The following ELFN2 variants were observed in gnomAD, a reference collection of about 807,000 sequenced individuals.
ELFN2 encodes protein phosphatase 1 regulatory subunit 29.
In ELFN2, 17 loss-of-function variants were observed where a neutral mutation model predicts 45.5. The ratio of observed to expected loss-of-function variants is 0.37; its 90% CI spans 0.26 to 0.56. The LOEUF is 0.56. Ranked by LOEUF, ELFN2 falls within the 20% of genes least tolerant of loss-of-function variation. The pLI is 0.77. For synonymous variants in ELFN2, 550 were observed against 551.5 expected (o/e 1.00, Z 0.04); for missense variants, 922 against 1,183.2 (o/e 0.78, Z 3.24).
intron 2 of ELFN2, among the ~76,000 whole-genome samples, chr22:37,398,122 C>T (rs1932266178): frequency 6.6e-6 from 1 of 152,172 alleles, no homozygotes. Context: ...AACAGGGTCC[C>T]CATTTGATAG....
At chr22:37,416,612 T>C (rs953774954) in intron 2 of ELFN2, among the ~76,000 whole-genome samples, 2 of 152,050 alleles carry the variant, frequency 1.3e-5, no homozygotes, top group Non-Finnish European at 2.9e-5. Flanking sequence ...GTGGAGGCAC[T>C]GGGAGGAAGC....
intron 2 of ELFN2, among the ~76,000 whole-genome samples, chr22:37,395,044 G>A (rs2145663721): frequency 6.6e-6 from 1 of 152,132 alleles, no homozygotes; most frequent in African/African-American, 2.4e-5. Flanking sequence ...GGCAGAGGTT[G>A]CAGTGGGCCA....
chr22:37,346,434 C>T (rs1398035998), intron 1 of ELFN2, among the ~76,000 whole-genome samples: 1 of 151,924 alleles, frequency 6.6e-6, no homozygotes, highest in Non-Finnish European at 1.5e-5. Flanking sequence ...GCCCTGGCAG[C>T]TGCTCTGTCC....
chr22:37,361,223 G>C (rs577547846), intron 1 of ELFN2, among the ~76,000 whole-genome samples: 20 of 152,242 alleles, frequency 1.3e-4, no homozygotes, highest in Non-Finnish European at 2.8e-4. Context: ...AAAGCAATGG[G>C]GCCATGAGAT....
intron 1 of ELFN2, among the ~76,000 whole-genome samples, chr22:37,358,891 G>A (rs1385653849): frequency 6.6e-6 from 1 of 152,214 alleles, no homozygotes. Context: ...ATGAGGGGAA[G>A]GTGGAGACTA....
At position 37,374,506 on chromosome 22, in the gene ELFN2, C is replaced by T. The variant is rs746996380; in HGVS notation, c.1029G>A (p.Lys343=). Residue 343 remains lysine, a synonymous_variant, in exon 3 of 3, where the codon AAG becomes AAA. Coordinates refer to ENST00000402918, the MANE Select transcript of ELFN2 (RefSeq NM_052906.5). ...FSDVMTLKNK[K]EIVTLDKLRA... ...GCAGTTTGTCCAGCGTCACGATCTC[C>T]TTCTTGTTCTTGAGGGTCATGACGT... The T allele has an allele frequency of 3.7e-6, 6 of 1,614,116 alleles. No individual in the cohort carries two copies. In the East Asian group the frequency reaches 1.1e-4, roughly 30 times the overall value.
rs1931490367 is a variant in ELFN2 at position 37,374,284 on chromosome 22, G to A, written c.1251C>T (p.Tyr417=). ...CCTGCATGCGCCGCTTGCGCAGGCAGTAGTACACGGCTCCCAGCACGATAA... is the reference window on the plus strand; with the variant it reads ...CCTGCATGCGCCGCTTGCGCAGGCAATAGTACACGGCTCCCAGCACGATAA... ...GMVIVLGAVY[Y]CLRKRRMQEE... The change falls in exon 3 of 3, where the codon TAC becomes TAT. Residue 417 remains tyrosine (Y), a synonymous_variant. Transcript: ENST00000402918. 2.5e-6 allele frequency: 4 copies of A among 1,613,888 alleles called. No individual in the cohort carries two copies. The South Asian group carries it at 4.4e-5, about 18-fold the overall frequency.
At chr22:37,387,907 A>C (rs1931992257) in intron 2 of ELFN2, among the ~76,000 whole-genome samples, 1 of 147,180 alleles carries the variant, frequency 6.8e-6, no homozygotes, top group Non-Finnish European at 1.5e-5. Context: ...CCTGAAACTC[A>C]CTCGTCCATG....
chr22:37,358,677 G>C (rs996029107), intron 1 of ELFN2, among the ~76,000 whole-genome samples: 2 of 152,232 alleles, frequency 1.3e-5, no homozygotes, highest in African/African-American at 4.8e-5. Flanking sequence ...AGGTCCAGAG[G>C]CATGAGTCGG....
In ELFN2 at chr22:37,375,390, T is replaced by C. The variant is rs1292418780; in HGVS notation, c.145A>G (p.Ile49Val). The C allele has an allele frequency of 2.5e-6, 4 of 1,614,160 alleles. No individual in the cohort carries two copies. The highest frequency in any genetic ancestry group is 8.5e-7 in the Non-Finnish European group (1 of 1,180,006). The part of the protein sequence containing the change: ...CSQNQPPYET[I>V]PQHINSTVHD... ...ACGGTGCTATTGATGTGCTGCGGGA[T>C]GGTCTCGTAGGGCGGCTGGTTCTGG... is the stretch of plus-strand genomic sequence containing the variant. Residue 49 changes from isoleucine to valine, a missense_variant, in exon 3 of 3, where the codon ATC becomes GTC. By Grantham distance (29) the Ile-to-Val change is conservative. Coordinates refer to ENST00000402918, the MANE Select transcript of ELFN2 (RefSeq NM_052906.5).
At chr22:37,410,678 G>A (rs780829779) in intron 2 of ELFN2, among the ~76,000 whole-genome samples, 3 of 152,182 alleles carry the variant, frequency 2.0e-5, no homozygotes, top group Admixed American at 6.5e-5. Flanking sequence ...CTGTCTTCCT[G>A]CCTCATCTCA....
chr22:37,350,152 G>A (rs62237465), intron 1 of ELFN2, among the ~76,000 whole-genome samples: 2,409 of 151,032 alleles, frequency 0.016, 176 homozygotes, highest in Non-Finnish European at 0.028. Context: ...CCTCACAGAC[G>A]CCCAGGAGTG....
At chr22:37,422,903 G>C (rs1021800655) in intron 1 of ELFN2, among the ~76,000 whole-genome samples, 10 of 139,392 alleles carry the variant, frequency 7.2e-5, no homozygotes, top group African/African-American at 2.7e-4. Context: ...CCAAGAATTC[G>C]GTACTTTTGT....
downstream of ELFN2, among the ~76,000 whole-genome samples, chr22:37,363,656 C>A (rs1268826083): frequency 6.6e-6 from 1 of 152,068 alleles, no homozygotes; most frequent in Non-Finnish European, 1.5e-5. Context: ...CCAGCATATG[C>A]CGGAGAGGCA....
At chr22:37,354,496 T>A (rs772449870) in intron 1 of ELFN2, 5 of 152,182 alleles carry the variant, frequency 3.3e-5, no homozygotes, top group Non-Finnish European at 5.9e-5. Context: ...CCATACCTTT[T>A]TCTATGCGAT....
At chr22:37,403,148 G>T (rs4328731) in intron 2 of ELFN2, among the ~76,000 whole-genome samples, 75,848 of 150,662 alleles carry the variant, frequency 0.5, 19,918 homozygotes, top group African/African-American at 0.65. Context: ...CTCACCAATC[G>T]CAAGTCCCCC....
At chr22:37,380,174 G>A (rs1167468412) in intron 2 of ELFN2, among the ~76,000 whole-genome samples, 2 of 152,210 alleles carry the variant, frequency 1.3e-5, no homozygotes, top group Non-Finnish European at 2.9e-5. Flanking sequence ...ACTGCACTGC[G>A]GCGTGTGGGA....
Position 37,374,759 on chromosome 22 carries a change from G to A in ELFN2, c.776C>T (p.Thr259Met), listed in dbSNP as rs750439402. 1.5e-5 allele frequency: 24 copies of A among 1,610,094 alleles called. No homozygotes were observed. The highest frequency in any genetic ancestry group is 1.3e-4 in the East Asian group (6 of 44,866). ...CCTCTGGGCGTCGGTGGAGTAGGGC[G>A]TGGGGTGGCTCACGGGCCGGGCGGG... ...SLPARPVSHPTPYSTDAQREP... is the reference protein window; with the variant it reads ...SLPARPVSHPMPYSTDAQREP... The change falls in exon 3 of 3, where the codon ACG (threonine) becomes ATG (methionine). Residue 259 changes from threonine to methionine, a missense_variant. This residue lies in a region of ELFN2 where 358 missense variants were observed against 540.4 expected (regional missense o/e 0.66). Coordinates refer to ENST00000402918, the MANE Select transcript of ELFN2 (RefSeq NM_052906.5).
At chr22:37,345,154 C>A (rs1930666531) in intron 1 of ELFN2, among the ~76,000 whole-genome samples, 1 of 152,196 alleles carries the variant, frequency 6.6e-6, no homozygotes, top group Admixed American at 6.5e-5. Flanking sequence ...CTGTGAGCAC[C>A]TTTCATCCTG....
Sources: allele counts gnomAD v4.1 joint callset (sites outside exome capture counted in the v4.1 genomes callset), GRCh38; gene constraint gnomAD v4.1.1; regional missense constraint gnomAD v4.1.1; transcripts MANE v1.5; gene names NCBI Gene and HGNC (gene_info 2026-07-23, HGNC 2026-07-21).